Variants in ERC2 observed in about 807,000 individuals in gnomAD.
ERC2 encodes the protein ERC protein 2.
In ERC2, 42 loss-of-function variants were observed where a neutral mutation model predicts 114.8. That is an observed-to-expected ratio of 0.37 (90% CI 0.29 to 0.47). The LOEUF (loss-of-function observed/expected upper bound fraction) is 0.47. Ranked by LOEUF, ERC2 falls within the 20% of genes least tolerant of loss-of-function variation. ERC2 has a pLI of 0.99. For synonymous variants in ERC2, 454 were observed against 425.5 expected (o/e 1.07, Z -0.82); for missense variants, 939 against 1,150.7 (o/e 0.82, Z 2.66).
At chr3:55,814,861 G>T (rs1474675168) in intron 14 of ERC2, among the ~76,000 whole-genome samples, 2 of 152,212 alleles carry the variant, frequency 1.3e-5, no homozygotes, top group Admixed American at 6.5e-5. Flanking sequence ...AATAGGCATG[G>T]TGTTTGGCAA....
At chr3:56,366,926 G>T (rs1013315895) in intron 2 of ERC2, among the ~76,000 whole-genome samples, 2 of 152,148 alleles carry the variant, frequency 1.3e-5, no homozygotes, top group African/African-American at 4.8e-5. Flanking sequence ...AACATTCTCT[G>T]GTTTTCTTGT....
chr3:55,959,977 G>C (rs140865410), intron 12 of ERC2, among the ~76,000 whole-genome samples: 22 of 152,252 alleles, frequency 1.4e-4, no homozygotes, highest in African/African-American at 5.1e-4. Context: ...TCCACCTGGT[G>C]CCTCAAAGCC....
intron 3 of ERC2, chr3:56,174,034 T>G (rs1334168357): frequency 6.5e-6 from 1 of 152,752 alleles, no homozygotes; most frequent in African/African-American, 2.4e-5. Context: ...GTGAATCTCT[T>G]GCTTCCGAAT....
chr3:55,845,721 C>T (rs187089244), intron 14 of ERC2, among the ~76,000 whole-genome samples: 1,592 of 152,268 alleles, frequency 0.01, 12 homozygotes, highest in Middle Eastern at 0.031. Flanking sequence ...AGTCCATTGG[C>T]GTATAATGAA....
chr3:55,639,135 T>G (rs777689070), intron 17 of ERC2, among the ~76,000 whole-genome samples: 2 of 152,164 alleles, frequency 1.3e-5, no homozygotes, highest in Non-Finnish European at 2.9e-5. Flanking sequence ...AACAAAGAGT[T>G]GAAAGAAGTG....
intron 14 of ERC2, among the ~76,000 whole-genome samples, chr3:55,795,012 T>G (rs1575618564): frequency 1.3e-5 from 2 of 152,346 alleles, no homozygotes; most frequent in Admixed American, 1.3e-4. Flanking sequence ...ATGGTCTATT[T>G]TCCTTCCCTG....
intron 7 of ERC2, among the ~76,000 whole-genome samples, chr3:56,074,747 C>T (rs1246617414): frequency 3.3e-5 from 5 of 152,060 alleles, no homozygotes; most frequent in African/African-American, 7.2e-5. Context: ...TTTTATTATT[C>T]GTGGTATGGT....
intron 6 of ERC2, among the ~76,000 whole-genome samples, chr3:56,134,848 T>C (rs1209007683): frequency 2.0e-5 from 3 of 152,190 alleles, no homozygotes; most frequent in Non-Finnish European, 4.4e-5. Context: ...TGCCTGGCAG[T>C]TTGCAAACCA....
rs1186359853 is a variant in ERC2 at position 55,881,896 on chromosome 3, A to T, written c.2564+6493T>A. 3.9e-5 allele frequency among the ~76,000 whole-genome samples: 6 copies of T among 152,246 alleles called. No individual in the cohort carries two copies. The East Asian group carries it at 1.2e-3, about 29-fold the overall frequency. On this transcript the variant is annotated intron_variant, in intron 14 of 17. Transcript: ENST00000288221. ...TAATCTTATACACAAGGAAAGGTGAATATTATGTACTATGAAAATATATGG... is the reference window on the plus strand; with the variant it reads ...TAATCTTATACACAAGGAAAGGTGATTATTATGTACTATGAAAATATATGG...
intron 17 of ERC2, among the ~76,000 whole-genome samples, chr3:55,623,608 A>T (rs1023072894): frequency 2.6e-5 from 4 of 152,076 alleles, no homozygotes; most frequent in African/African-American, 9.7e-5. Context: ...ACCTGCTCTG[A>T]CCTAAGTCCC....
chr3:55,783,878 A>G (rs2069265392), intron 14 of ERC2, among the ~76,000 whole-genome samples: 2 of 152,212 alleles, frequency 1.3e-5, no homozygotes, highest in African/African-American at 4.8e-5. Flanking sequence ...TTAGCTGTCG[A>G]ATATCTAAAA....
At chr3:56,095,073 C>T (rs534268077) in intron 6 of ERC2, among the ~76,000 whole-genome samples, 1 of 152,038 alleles carries the variant, frequency 6.6e-6, no homozygotes, top group African/African-American at 2.4e-5. Context: ...AGCAACGTAG[C>T]AAGACCTCAT....
intron 3 of ERC2, among the ~76,000 whole-genome samples, chr3:56,241,975 A>G (rs2051352175): frequency 6.6e-6 from 1 of 152,222 alleles, no homozygotes; most frequent in Non-Finnish European, 1.5e-5. Flanking sequence ...TAATTACAAG[A>G]GACAGAATGG....
intron 3 of ERC2, among the ~76,000 whole-genome samples, chr3:56,292,942 A>G (rs899260765): frequency 8.5e-5 from 13 of 152,190 alleles, no homozygotes; most frequent in Non-Finnish European, 4.4e-5. Context: ...CTTCTTCATG[A>G]CACGCCTCTA....
chr3:56,198,258 C>G (rs892897321), intron 3 of ERC2, among the ~76,000 whole-genome samples: 2 of 152,212 alleles, frequency 1.3e-5, no homozygotes, highest in African/African-American at 4.8e-5. Flanking sequence ...AGAAATTCCT[C>G]ACAACCTGTG....
chr3:56,387,428 C>T (rs1164120250), intron 2 of ERC2, among the ~76,000 whole-genome samples: 2 of 152,228 alleles, frequency 1.3e-5, no homozygotes, highest in Non-Finnish European at 1.5e-5. Context: ...CTAAAATGAA[C>T]ACACTAATAA....
chr3:55,672,631 T>A (rs2061611395), intron 17 of ERC2, among the ~76,000 whole-genome samples: 1 of 152,054 alleles, frequency 6.6e-6, no homozygotes, highest in Admixed American at 6.5e-5. Context: ...GCTATGTGAG[T>A]GAGACAGAAG....
In ERC2 at chr3:56,079,359, A is replaced by G. The variant is rs542236104; in HGVS notation, c.1641+1458T>C. 1.8e-3 allele frequency among the ~76,000 whole-genome samples: 277 copies of G among 152,286 alleles called. 1 individual carries two copies. Among genetic ancestry groups the G allele is most frequent in the Admixed American group, 3.8e-3 (58 of 15,296 alleles). ...GCTACAAGTGGCTCGTGACTACCAC[A>G]ATGGGCAGCACGGGTTCAGAATGAG... On this transcript the variant is annotated intron_variant, in intron 7 of 17. Coordinates refer to ENST00000288221, the MANE Select transcript of ERC2 (RefSeq NM_015576.3).
intron 3 of ERC2, among the ~76,000 whole-genome samples, chr3:56,257,205 T>C (rs2052580362): frequency 6.6e-6 from 1 of 152,178 alleles, no homozygotes; most frequent in Non-Finnish European, 1.5e-5. Flanking sequence ...ATGACTTTCA[T>C]CTATATATAT....
Sources: gnomAD v4.1 joint callset for allele counts (sites outside exome capture counted in the v4.1 genomes callset) on GRCh38, gnomAD v4.1.1 for gene constraint, MANE v1.5 for transcripts, NCBI Gene and HGNC (gene_info 2026-07-23, HGNC 2026-07-21) for gene names.